Variants in BAZ2B observed in about 807,000 individuals in gnomAD.
BAZ2B encodes the protein bromodomain adjacent to zinc finger domain 2B.
Under a neutral mutation model 246.0 loss-of-function variants are expected in BAZ2B, and 91 were observed. The ratio of observed to expected loss-of-function variants is 0.37; its 90% CI spans 0.31 to 0.44. The LOEUF (loss-of-function observed/expected upper bound fraction) is 0.44, where lower values mean the gene tolerates loss of function less well. Ranked by LOEUF, BAZ2B falls within the 20% of genes least tolerant of loss-of-function variation. The probability of loss-of-function intolerance (pLI) is 1.00; values close to 1 mark genes in which losing one functional copy is unlikely to be tolerated. For synonymous variants in BAZ2B, 855 were observed against 860.0 expected (o/e 0.99, Z 0.10); for missense variants, 2,332 against 2,533.7 (o/e 0.92, Z 1.71).
intron 1 of BAZ2B, among the ~76,000 whole-genome samples, chr2:159,601,978 C>T (rs1578836406): frequency 6.6e-6 from 1 of 152,004 alleles, no homozygotes; most frequent in African/African-American, 2.4e-5. Flanking sequence ...ATCTAGAAAA[C>T]CCTAGAAAAT....
At chr2:159,355,837 G>A (rs919382409) in intron 27 of BAZ2B, among the ~76,000 whole-genome samples, 2 of 152,170 alleles carry the variant, frequency 1.3e-5, no homozygotes, top group African/African-American at 4.8e-5. Context: ...GCACACAGAA[G>A]GCGGCCGAAG....
chr2:159,617,343 C>G (rs78608416), upstream of BAZ2B, among the ~76,000 whole-genome samples: 2,124 of 152,220 alleles, frequency 0.014, 19 homozygotes, highest in Non-Finnish European at 0.022. Flanking sequence ...CCAAATCCTG[C>G]AACCAATCAA....
At chr2:159,544,548 T>C (rs1044140420) in intron 2 of BAZ2B, among the ~76,000 whole-genome samples, 3 of 152,150 alleles carry the variant, frequency 2.0e-5, no homozygotes, top group Non-Finnish European at 4.4e-5. Flanking sequence ...TTTGAACAGG[T>C]TGAATTACAT....
chr2:159,691,012 G>GGT, the BAZ2B span, among the ~76,000 whole-genome samples: 14 of 151,790 alleles, frequency 9.2e-5, no homozygotes, highest in Non-Finnish European at 8.8e-5. Flanking sequence ...ATGACTTTAA[G>GGT]GTGTGTGTGT....
chr2:159,373,983 G>T (rs904987353), intron 26 of BAZ2B, among the ~76,000 whole-genome samples: 3 of 151,712 alleles, frequency 2.0e-5, no homozygotes, highest in African/African-American at 7.3e-5. Context: ...CAGGCATCTC[G>T]TAATACCTTT....
chr2:159,518,898 G>T (rs1048974346), intron 2 of BAZ2B, among the ~76,000 whole-genome samples: 2 of 152,090 alleles, frequency 1.3e-5, no homozygotes, highest in Non-Finnish European at 2.9e-5. Flanking sequence ...TTACAAACAA[G>T]CTCCAAAGCA....
intron 1 of BAZ2B, among the ~76,000 whole-genome samples, chr2:159,568,893 T>C (rs558208224): frequency 6.6e-6 from 1 of 152,346 alleles, no homozygotes; most frequent in East Asian, 1.9e-4. Flanking sequence ...TAAATTTGAT[T>C]AGGCATAAAT....
chr2:159,525,478 G>A (rs1023410884), intron 2 of BAZ2B, among the ~76,000 whole-genome samples: 2 of 152,114 alleles, frequency 1.3e-5, no homozygotes, highest in East Asian at 1.9e-4. Context: ...CTTATGTGAC[G>A]TGTTGCACAT....
chr2:159,470,339 A>G (rs540010118), intron 3 of BAZ2B, among the ~76,000 whole-genome samples: 1 of 152,380 alleles, frequency 6.6e-6, no homozygotes, highest in African/African-American at 2.4e-5. Context: ...TAACTTCAAA[A>G]AGATACAAGG....
intron 13 of BAZ2B, among the ~76,000 whole-genome samples, chr2:159,422,350 A>T (rs1429083626): frequency 6.6e-6 from 1 of 152,206 alleles, no homozygotes; most frequent in Non-Finnish European, 1.5e-5. Flanking sequence ...CTATACTACA[A>T]GGCTACAGTA....
intron 3 of BAZ2B, chr2:159,461,126 C>G (rs1443908947): frequency 1.3e-5 from 2 of 151,758 alleles, no homozygotes; most frequent in Non-Finnish European, 2.9e-5. Context: ...AACTGAAGCA[C>G]AAACACGTTT....
At chr2:159,441,129 A>C (rs2073316837) in intron 6 of BAZ2B, among the ~76,000 whole-genome samples, 1 of 152,246 alleles carries the variant, frequency 6.6e-6, no homozygotes, top group Non-Finnish European at 1.5e-5. Flanking sequence ...CACGAAAATC[A>C]TAAGGTACCT....
intron 27 of BAZ2B, among the ~76,000 whole-genome samples, chr2:159,361,902 C>T (rs765043149): frequency 2.1e-5 from 3 of 145,926 alleles, no homozygotes; most frequent in Non-Finnish European, 4.5e-5. Flanking sequence ...GGGCGTTGAA[C>T]GATGAGAACA....
intron 3 of BAZ2B, chr2:159,458,442 C>CA (rs2076046336): frequency 6.6e-6 from 1 of 152,540 alleles, no homozygotes. Flanking sequence ...TCTCCTGCCT[C>CA]AGCCTCCCAA....
At chr2:159,372,922 A>G in intron 27 of BAZ2B, 123 bp downstream of exon 27, 1 of 1,161,136 alleles carries the variant, frequency 8.6e-7, no homozygotes, top group Admixed American at 2.8e-5. Context: ...AGGAATGAGA[A>G]TTAAGGTTTT....
In BAZ2B at chr2:159,325,848, C is replaced by T. The variant is rs772671668; in HGVS notation, c.6014G>A (p.Gly2005Asp). Reference sequence around the variant, plus strand: ...ATCTCCTGTTAAAGTTACCTTCTTGCCTTTCTTTGACTCATTAGTCTTTTT... The same window carrying T: ...ATCTCCTGTTAAAGTTACCTTCTTGTCTTTCTTTGACTCATTAGTCTTTTT... ...KGKKTNESKK[G>D]KKVTLTGDTE... Residue 2005 changes from glycine to aspartate, a missense_variant, in exon 35 of 37, where the codon GGC (glycine) becomes GAC (aspartate). Gly to Asp is a moderately conservative substitution (Grantham distance 94). Coordinates refer to ENST00000392783, the MANE Select transcript of BAZ2B (RefSeq NM_013450.4). The T allele has an allele frequency of 6.2e-7, 1 of 1,607,446 alleles. No homozygotes were observed. The highest frequency in any genetic ancestry group is 1.1e-5 in the South Asian group (1 of 88,848).
chr2:159,395,972 C>T, intron 19 of BAZ2B, 138 bp from the exon 20 acceptor site: 2 of 679,850 alleles, frequency 2.9e-6, no homozygotes, highest in Non-Finnish European at 4.8e-6. Context: ...ACAGTAAATA[C>T]TAAATATAAG....
At chr2:159,322,657 G>C (rs907069858) in intron 36 of BAZ2B, among the ~76,000 whole-genome samples, 25 of 152,130 alleles carry the variant, frequency 1.6e-4, no homozygotes, top group Non-Finnish European at 1.9e-4. Flanking sequence ...GGTGAAAAAA[G>C]TATACAACTC....
At chr2:159,694,648 A>G in the BAZ2B span, 2 of 152,222 alleles carry the variant, frequency 1.3e-5, no homozygotes, top group African/African-American at 4.8e-5. Flanking sequence ...TCCATGTTGC[A>G]GCATGCAGCA....
Sources: gnomAD v4.1 joint callset for allele counts (sites outside exome capture counted in the v4.1 genomes callset) on GRCh38, gnomAD v4.1.1 for gene constraint, MANE v1.5 for transcripts, NCBI Gene and HGNC (gene_info 2026-07-23, HGNC 2026-07-21) for gene names.